CLEC19A: variants seen among roughly 807,000 people sequenced by gnomAD.
CLEC19A encodes the protein C-type lectin domain family 19 member A.
Under a neutral mutation model 26.1 loss-of-function variants are expected in CLEC19A, and 21 were observed. That is an observed-to-expected ratio of 0.80 (90% CI 0.57 to 1.16). CLEC19A has a LOEUF of 1.16. CLEC19A is among the 50% of genes most tolerant of loss of function. The pLI is 0.00. For synonymous variants in CLEC19A, 89 were observed against 88.6 expected, an observed-to-expected ratio of 1.00 and a Z score of -0.03; for missense variants, 224 against 227.6, an observed-to-expected ratio of 0.98 and a Z score of 0.10.
intron 3 of CLEC19A, among the ~76,000 whole-genome samples, chr16:19,306,589 A>G (rs1434264012): frequency 6.6e-6 from 1 of 152,152 alleles, no homozygotes; most frequent in Non-Finnish European, 1.5e-5. Context: ...CTTGTATTGA[A>G]AGACCTAATA....
chr16:19,300,299 A>C (rs1448536021), intron 2 of CLEC19A, among the ~76,000 whole-genome samples: 1 of 152,100 alleles, frequency 6.6e-6, no homozygotes, highest in Non-Finnish European at 1.5e-5. Flanking sequence ...CTGTAATCCC[A>C]ACCCTATGGG....
rs1458967211 is a variant in CLEC19A at position 19,298,715 on chromosome 16, G to T, written c.131G>T (p.Trp44Leu). The T allele has an allele frequency of 1.3e-6, 2 of 1,551,130 alleles. No individual in the cohort carries two copies. The change falls in exon 2 of 5, where the codon TGG becomes TTG. Residue 44 changes from tryptophan to leucine, a missense_variant. Trp to Leu is a moderately conservative substitution (Grantham distance 61, BLOSUM62 -2). Transcript: ENST00000636231. ...CTGCCTTCCCTGTGCCCCCTGTTCT[G>T]GATGGAGTTCAAAGGCCACTGCTAT... ...LPLPSLCPLFWMEFKGHCYRF... is the reference protein window; with the variant it reads ...LPLPSLCPLFLMEFKGHCYRF...
chr16:19,301,076 A>G (rs903815532), intron 2 of CLEC19A, among the ~76,000 whole-genome samples: 1 of 152,242 alleles, frequency 6.6e-6, no homozygotes, highest in African/African-American at 2.4e-5. Flanking sequence ...AAGACAGAAG[A>G]CATCAATTCT....
At chr16:19,290,518 G>A (rs894912665) in intron 1 of CLEC19A, among the ~76,000 whole-genome samples, 5 of 152,040 alleles carry the variant, frequency 3.3e-5, no homozygotes, top group African/African-American at 9.7e-5. Context: ...TTCATCCTCC[G>A]GGTCTCAGTT....
intron 1 of CLEC19A, among the ~76,000 whole-genome samples, chr16:19,291,941 A>G (rs771745434): frequency 2.6e-5 from 4 of 152,138 alleles, no homozygotes; most frequent in Non-Finnish European, 4.4e-5. Flanking sequence ...GAGAAAACCT[A>G]AAGGACCAGA....
chr16:19,291,140 C>T (rs1897575928), intron 1 of CLEC19A, among the ~76,000 whole-genome samples: 1 of 152,206 alleles, frequency 6.6e-6, no homozygotes, highest in African/African-American at 2.4e-5. Flanking sequence ...CTGCACCTGG[C>T]CTGTGCTTAT....
At chr16:19,291,768 C>T (rs567317623) in intron 1 of CLEC19A, among the ~76,000 whole-genome samples, 1 of 152,152 alleles carries the variant, frequency 6.6e-6, no homozygotes, top group Non-Finnish European at 1.5e-5. Flanking sequence ...AGTTAATGAT[C>T]GTTTTGGTGC....
At chr16:19,287,416 AC>A (rs1360538517) in intron 1 of CLEC19A, among the ~76,000 whole-genome samples, 1 of 152,030 alleles carries the variant, frequency 6.6e-6, no homozygotes, top group Non-Finnish European at 1.5e-5. Context: ...CCCTCCCAAT[AC>A]CATCACATTG....
chr16:19,288,855 G>C (rs1567251076), intron 1 of CLEC19A, among the ~76,000 whole-genome samples: 1 of 152,040 alleles, frequency 6.6e-6, no homozygotes, highest in East Asian at 1.9e-4. Flanking sequence ...GCTTCTGCAG[G>C]GCTTCAGAAG....
At chr16:19,290,431 G>T (rs1466106678) in intron 1 of CLEC19A, among the ~76,000 whole-genome samples, 1 of 149,622 alleles carries the variant, frequency 6.7e-6, no homozygotes, top group Non-Finnish European at 1.5e-5. Flanking sequence ...ATTCTCCAAA[G>T]CTCCATTCTC....
intron 1 of CLEC19A, 28 bp downstream of exon 1, chr16:19,285,967 A>T (rs944420613): frequency 1.7e-5 from 26 of 1,542,134 alleles, no homozygotes; most frequent in Non-Finnish European, 2.3e-5. Context: ...GGCTGGGAGC[A>T]GGTGGAGAGG....
intron 3 of CLEC19A, among the ~76,000 whole-genome samples, chr16:19,306,375 G>C (rs1311902867): frequency 6.6e-6 from 1 of 151,608 alleles, no homozygotes; most frequent in African/African-American, 2.4e-5. Flanking sequence ...TCTAACTTCT[G>C]GCTCCAAGTG....
At chr16:19,307,786 T>G in intron 4 of CLEC19A, 109 bp downstream of exon 4, 1 of 1,425,540 alleles carries the variant, frequency 7.0e-7, no homozygotes, top group East Asian at 2.5e-5. Context: ...GGCCTGAGAC[T>G]GGCAAATTGT....
intron 1 of CLEC19A, among the ~76,000 whole-genome samples, chr16:19,288,585 T>C (rs1243956397): frequency 6.6e-6 from 1 of 152,118 alleles, no homozygotes; most frequent in Non-Finnish European, 1.5e-5. Flanking sequence ...TTTTTAGACA[T>C]CTCTTAGAGA....
intron 3 of CLEC19A, among the ~76,000 whole-genome samples, chr16:19,305,358 A>G (rs1897929301): frequency 6.6e-6 from 1 of 152,212 alleles, no homozygotes; most frequent in Admixed American, 6.5e-5. Flanking sequence ...TAATTAAGGA[A>G]GACCATTGTG....
At chr16:19,308,826 A>G (rs720472) in intron 4 of CLEC19A, among the ~76,000 whole-genome samples, 178 bp from the exon 5 acceptor site, 45,167 of 152,140 alleles carry the variant, frequency 0.3, 7,137 homozygotes, top group East Asian at 0.51. Context: ...GACAAGCCAG[A>G]ATCAGCTTTA....
At chr16:19,291,362 C>T (rs1897579608) in intron 1 of CLEC19A, among the ~76,000 whole-genome samples, 1 of 152,206 alleles carries the variant, frequency 6.6e-6, no homozygotes, top group Admixed American at 6.5e-5. Flanking sequence ...CAGTAGGACT[C>T]TCTAGGTTTG....
chr16:19,287,143 A>G (rs1216552129), intron 1 of CLEC19A, among the ~76,000 whole-genome samples: 1 of 151,700 alleles, frequency 6.6e-6, no homozygotes, highest in Non-Finnish European at 1.5e-5. Context: ...TCATCAGCTC[A>G]GGCTGCGAAT....
intron 2 of CLEC19A, among the ~76,000 whole-genome samples, chr16:19,300,003 C>G (rs551729372): frequency 2.4e-4 from 36 of 152,178 alleles, no homozygotes; most frequent in African/African-American, 7.5e-4. Flanking sequence ...GCAGGCAGAT[C>G]ACCTGAGGTC....
Sources: allele counts gnomAD v4.1 joint callset (sites outside exome capture counted in the v4.1 genomes callset), GRCh38; gene constraint gnomAD v4.1.1; transcripts MANE v1.5; gene names NCBI Gene and HGNC (gene_info 2026-07-23, HGNC 2026-07-21).